RPS29: variants seen among roughly 807,000 people sequenced by gnomAD.
RPS29 encodes small ribosomal subunit protein uS14.
For synonymous variants in RPS29, 37 were observed against 26.9 expected (o/e 1.37, Z -1.16); for missense variants, 60 against 75.7 (o/e 0.79, Z 0.77).
chr14:49,588,582 C>T (rs1463634489), upstream of RPS29, among the ~76,000 whole-genome samples: 1 of 151,138 alleles, frequency 6.6e-6, no homozygotes, highest in African/African-American at 2.4e-5. Flanking sequence ...GGCTGGAGTG[C>T]AATGGCACCA....
intron 1 of RPS29, 107 bp from the exon 2 acceptor site, chr14:49,586,156 G>A (rs2139514173): frequency 2.2e-6 from 3 of 1,386,110 alleles, no homozygotes; most frequent in South Asian, 1.2e-5. Context: ...GTACAGGCCT[G>A]TAATGGCGGC....
At chr14:49,586,865 G>A (rs746445429), upstream of RPS29, 7 of 161,632 alleles carry the variant, frequency 4.3e-5, no homozygotes, top group Admixed American at 1.1e-4. Context: ...GCAACATAGC[G>A]AGACCCCGTC....
At chr14:49,596,214 G>T (rs1052761989) in intron 1 of RPS29, among the ~76,000 whole-genome samples, 1 of 152,184 alleles carries the variant, frequency 6.6e-6, no homozygotes, top group Non-Finnish European at 1.5e-5. Context: ...AGAAAAGAAT[G>T]TAGTTTGTAG....
upstream of RPS29, among the ~76,000 whole-genome samples, chr14:49,589,016 C>A (rs1566484735): frequency 6.6e-6 from 1 of 151,512 alleles, no homozygotes; most frequent in Admixed American, 6.6e-5. Flanking sequence ...CTCAGCCTCC[C>A]GAGTAGCTGG....
chr14:49,583,780 G>A (rs1245444414), intron 2 of RPS29, 105 bp from the exon 3 acceptor site: 1 of 717,676 alleles, frequency 1.4e-6, no homozygotes, highest in Non-Finnish European at 2.4e-6. Flanking sequence ...TACAGAACTG[G>A]ACCTTTGACC....
At chr14:49,572,961 G>A (rs1896948823) in exon 3 of RPS29, 1 of 151,988 alleles carries the variant, frequency 6.6e-6, no homozygotes, top group South Asian at 2.1e-4. Context: ...CAGATACTTG[G>A]GAGGCTGAGG....
At chr14:49,577,327 T>C (rs1881210447) in exon 3 of RPS29, 1 of 160,874 alleles carries the variant, frequency 6.2e-6, no homozygotes, top group African/African-American at 2.4e-5. Flanking sequence ...CTGGTTTTTG[T>C]TGTTTTTGTT....
At chr14:49,579,805 C>T (rs1382750442), downstream of RPS29, among the ~76,000 whole-genome samples, 1 of 152,164 alleles carries the variant, frequency 6.6e-6, no homozygotes, top group African/African-American at 2.4e-5. Flanking sequence ...GTCCTCTAAC[C>T]ATACAATAAG....
At chr14:49,586,435 A>G, upstream of RPS29, 1 of 1,183,430 alleles carries the variant, frequency 8.5e-7, no homozygotes, top group South Asian at 1.2e-5. Context: ...CCCAGAATGC[A>G]GTGCTCAAAG....
chr14:49,572,520 A>T (rs1181164243), exon 3 of RPS29: 1 of 152,236 alleles, frequency 6.6e-6, no homozygotes, highest in African/African-American at 2.4e-5. Flanking sequence ...TCATAGAATA[A>T]ATAATTTTTT....
chr14:49,587,488 T>C (rs752943757), upstream of RPS29, among the ~76,000 whole-genome samples: 1 of 152,228 alleles, frequency 6.6e-6, no homozygotes, highest in Non-Finnish European at 1.5e-5. Context: ...TAAACTTTTA[T>C]AAATTGAAAT....
At chr14:49,579,922 C>T (rs1255888441), downstream of RPS29, among the ~76,000 whole-genome samples, 1 of 152,200 alleles carries the variant, frequency 6.6e-6, no homozygotes, top group Non-Finnish European at 1.5e-5. Flanking sequence ...AATCTCTAAG[C>T]CTCAGTTTCC....
intron 1 of RPS29, chr14:49,592,087 T>A (rs1240825580): frequency 6.6e-6 from 1 of 152,200 alleles, no homozygotes; most frequent in Non-Finnish European, 1.5e-5. Flanking sequence ...TATATATTTA[T>A]AAATACTTAT....
chr14:49,588,652 C>T (rs1303006811), upstream of RPS29, among the ~76,000 whole-genome samples: 1 of 151,888 alleles, frequency 6.6e-6, no homozygotes, highest in Admixed American at 6.6e-5. Context: ...CTCAGCCTCC[C>T]GAGTTGCTGA....
chr14:49,597,001 G>A (rs750015701), intron 1 of RPS29, among the ~76,000 whole-genome samples: 5 of 146,846 alleles, frequency 3.4e-5, no homozygotes, highest in African/African-American at 5.1e-5. Flanking sequence ...TGCAACCTCC[G>A]TCTCCCAGGT....
At chr14:49,586,928 C>T (rs895264920), upstream of RPS29, 9 of 153,956 alleles carry the variant, frequency 5.8e-5, no homozygotes, top group African/African-American at 2.2e-4. Flanking sequence ...TGAATATTCT[C>T]ATAGTCTTTT....
chr14:49,577,734 C>T, exon 3 of RPS29: 1 of 1,108,154 alleles, frequency 9.0e-7, no homozygotes, highest in Non-Finnish European at 1.4e-6. Flanking sequence ...GACTGGTTCC[C>T]AGTGAACTTG....
At chr14:49,588,522 TTTTG>T (rs201238349), upstream of RPS29, among the ~76,000 whole-genome samples, 2 of 148,480 alleles carry the variant, frequency 1.3e-5, no homozygotes, top group South Asian at 2.1e-4. Context: ...TTATGTTTTG[TTTTG>T]TTTTTTTTCC....
chr14:49,585,853 A>G, intron 2 of RPS29, 97 bp downstream of exon 2: 1 of 888,338 alleles, frequency 1.1e-6, no homozygotes, highest in Non-Finnish European at 1.8e-6. Context: ...CAGAATTACC[A>G]CTCCAGGGAA....
Sources: allele counts gnomAD v4.1 joint callset (sites outside exome capture counted in the v4.1 genomes callset), GRCh38; gene constraint gnomAD v4.1.1; transcripts MANE v1.5; gene names NCBI Gene and HGNC (gene_info 2026-07-23, HGNC 2026-07-21).